Variants in NAALADL2 observed in about 807,000 individuals in gnomAD.
NAALADL2 encodes the protein N-acetylated alpha-linked acidic dipeptidase like 2.
NAALADL2 carries 76 observed loss-of-function variants against 87.2 expected under a neutral mutation model. The ratio of observed to expected loss-of-function variants is 0.87; its 90% CI spans 0.72 to 1.05. NAALADL2 has a LOEUF of 1.05. Ranked by LOEUF, NAALADL2 falls within the 50% of genes least tolerant of loss-of-function variation. NAALADL2 has a pLI of 0.00. For missense variants in NAALADL2, 1,089 were observed against 945.8 expected, an observed-to-expected ratio of 1.15 and a Z score of -1.99; for synonymous variants, 354 against 331.0, an observed-to-expected ratio of 1.07 and a Z score of -0.75.
At chr3:174,632,637 T>TA (rs964733901) in intron 2 of NAALADL2, among the ~76,000 whole-genome samples, 80 of 151,776 alleles carry the variant, frequency 5.3e-4, no homozygotes, top group African/African-American at 1.6e-3. Flanking sequence ...TGACACCTGT[T>TA]AAAAAAAATC....
intron 4 of NAALADL2, among the ~76,000 whole-genome samples, chr3:175,318,977 T>C (rs534687793): frequency 7.0e-5 from 10 of 143,058 alleles, no homozygotes; most frequent in African/African-American, 2.1e-4. Flanking sequence ...TATTCTATTA[T>C]ATTTTTATAT....
At chr3:175,362,242 C>A in intron 5 of NAALADL2, among the ~76,000 whole-genome samples, 1 of 147,982 alleles carries the variant, frequency 6.8e-6, no homozygotes, top group Non-Finnish European at 1.5e-5. Context: ...GTTTTGGTAC[C>A]AGTACCATGC....
At chr3:175,404,725 T>C (rs1711983440) in intron 5 of NAALADL2, among the ~76,000 whole-genome samples, 1 of 152,194 alleles carries the variant, frequency 6.6e-6, no homozygotes, top group African/African-American at 2.4e-5. Context: ...TATCTATGGT[T>C]ACAGTTCTAA....
At chr3:175,313,025 A>G (rs1282666461) in intron 4 of NAALADL2, among the ~76,000 whole-genome samples, 1 of 152,188 alleles carries the variant, frequency 6.6e-6, no homozygotes, top group Non-Finnish European at 1.5e-5. Flanking sequence ...TTTGGAGTCA[A>G]GAAGTCCAAG....
intron 1 of NAALADL2, among the ~76,000 whole-genome samples, chr3:174,961,449 A>G (rs1380142313): frequency 2.0e-5 from 3 of 152,080 alleles, no homozygotes; most frequent in Non-Finnish European, 2.9e-5. Context: ...ATTTGATTCA[A>G]AGTTTTGAGT....
At chr3:174,636,890 T>C (rs1163848421) in intron 2 of NAALADL2, among the ~76,000 whole-genome samples, 2 of 152,146 alleles carry the variant, frequency 1.3e-5, no homozygotes, top group African/African-American at 4.8e-5. Flanking sequence ...TGCAGCACTA[T>C]GCACAACAGC....
chr3:175,110,454 T>C lies in NAALADL2; in HGVS notation c.545+13163T>C, dbSNP rs111970949. 6.6e-5 allele frequency among the ~76,000 whole-genome samples: 10 copies of C among 151,876 alleles called. 1 individual carries two copies. The highest frequency in any genetic ancestry group is 2.4e-4 in the African/African-American group (10 of 41,504). On this transcript the variant is annotated intron_variant, in intron 2 of 13. Coordinates refer to ENST00000454872, the MANE Select transcript of NAALADL2 (RefSeq NM_207015.3). ...CTGCAATTTCAGCCCTTCGTATGTA[T>C]AGGGACAGGGTTTTGGGAAGGCATT...
intron 2 of NAALADL2, among the ~76,000 whole-genome samples, chr3:174,615,923 T>G (rs912965105): frequency 6.6e-6 from 1 of 152,080 alleles, no homozygotes; most frequent in Non-Finnish European, 1.5e-5. Flanking sequence ...CTAGAATATA[T>G]GAAATCAAAT....
chr3:175,201,793 G>GA (rs149252405), intron 2 of NAALADL2, among the ~76,000 whole-genome samples: 55,859 of 137,546 alleles, frequency 0.41, 11,299 homozygotes, highest in East Asian at 0.54. Context: ...TACTTATTTG[G>GA]AAAAAAAAAA....
intron 9 of NAALADL2, among the ~76,000 whole-genome samples, chr3:175,531,909 G>A (rs895428365): frequency 3.9e-5 from 6 of 152,190 alleles, no homozygotes; most frequent in African/African-American, 1.2e-4. Context: ...CATCTTTCAC[G>A]TCCTTGATGG....
chr3:174,706,041 TAC>T (rs1482272265), intron 2 of NAALADL2, among the ~76,000 whole-genome samples: 4 of 152,192 alleles, frequency 2.6e-5, no homozygotes, highest in Admixed American at 6.5e-5. Flanking sequence ...ATAAATTCAA[TAC>T]AGAGTTAAAT....
At chr3:174,702,822 G>T (rs1442225524) in intron 2 of NAALADL2, among the ~76,000 whole-genome samples, 2 of 152,132 alleles carry the variant, frequency 1.3e-5, no homozygotes, top group East Asian at 3.9e-4. Flanking sequence ...GTTATGCAGT[G>T]CATAACTGTG....
At chr3:175,181,787 A>G (rs1304057818) in intron 2 of NAALADL2, among the ~76,000 whole-genome samples, 5 of 144,324 alleles carry the variant, frequency 3.5e-5, no homozygotes, top group Non-Finnish European at 4.5e-5. Flanking sequence ...ATGTATATAT[A>G]TGTGTGTGTG....
At chr3:175,489,759 C>T (rs1181803409) in intron 9 of NAALADL2, among the ~76,000 whole-genome samples, 1 of 152,282 alleles carries the variant, frequency 6.6e-6, no homozygotes, top group South Asian at 2.1e-4. Flanking sequence ...ACACAGTCTT[C>T]TACTCCTTGT....
At chr3:175,267,254 G>A (rs1045841743) in intron 4 of NAALADL2, among the ~76,000 whole-genome samples, 1 of 151,930 alleles carries the variant, frequency 6.6e-6, no homozygotes, top group Non-Finnish European at 1.5e-5. Context: ...CACTAAATAC[G>A]TAGGATTTTT....
chr3:175,516,387 G>GT (rs1034319108), intron 9 of NAALADL2, among the ~76,000 whole-genome samples: 2 of 152,302 alleles, frequency 1.3e-5, no homozygotes, highest in African/African-American at 4.8e-5. Context: ...AAGCTTTAGT[G>GT]TTTAAGTGTA....
intron 9 of NAALADL2, among the ~76,000 whole-genome samples, chr3:175,491,176 ATAAAATAGTATTTTATTGT>A (rs1728024284): frequency 9.4e-5 from 4 of 42,354 alleles, no homozygotes; most frequent in Non-Finnish European, 3.3e-4. Context: ...TTATTGTCCT[ATAAAATAGTATTTTATTGT>A]CCTATAAATA....
At chr3:175,472,396 C>T (rs1296370759) in intron 9 of NAALADL2, among the ~76,000 whole-genome samples, 3 of 152,146 alleles carry the variant, frequency 2.0e-5, no homozygotes, top group African/African-American at 7.2e-5. Context: ...GTAGAGTTCA[C>T]ACTTTTATTT....
intron 4 of NAALADL2, among the ~76,000 whole-genome samples, chr3:175,275,291 G>C (rs2110042149): frequency 6.6e-6 from 1 of 152,180 alleles, no homozygotes; most frequent in Admixed American, 6.5e-5. Context: ...GCTTGATAAA[G>C]AATATATATT....
Sources: gnomAD v4.1 joint callset for allele counts (sites outside exome capture counted in the v4.1 genomes callset) on GRCh38, gnomAD v4.1.1 for gene constraint, MANE v1.5 for transcripts, NCBI Gene and HGNC (gene_info 2026-07-23, HGNC 2026-07-21) for gene names.